Variants in GRIP1 observed in about 807,000 individuals in gnomAD.
The protein encoded by GRIP1 is glutamate receptor interacting protein 1, also known as glutamate receptor-interacting protein 1.
GRIP1 carries 45 observed loss-of-function variants against 129.9 expected under a neutral mutation model. The ratio of observed to expected loss-of-function variants is 0.35; its 90% CI spans 0.27 to 0.44. The LOEUF (loss-of-function observed/expected upper bound fraction) is 0.44, where lower values mean the gene tolerates loss of function less well. Among genes scored for constraint, GRIP1 ranks in the 20% least tolerant of loss-of-function variants. The pLI is 1.00. For synonymous variants in GRIP1, 530 were observed against 520.8 expected, an observed-to-expected ratio of 1.02 and a Z score of -0.24; for missense variants, 1,196 against 1,396.8, an observed-to-expected ratio of 0.86 and a Z score of 2.29.
intron 23 of GRIP1, among the ~76,000 whole-genome samples, chr12:66,361,079 C>G (rs112328728): frequency 1.3e-5 from 2 of 152,202 alleles, no homozygotes; most frequent in Non-Finnish European, 2.9e-5. Context: ...TCCTATACTA[C>G]CTATGGTGCT....
chr12:66,898,701 T>C (rs1044773083), intron 1 of GRIP1, among the ~76,000 whole-genome samples: 21 of 152,230 alleles, frequency 1.4e-4, no homozygotes, highest in Admixed American at 1.4e-3. Flanking sequence ...GGATATTCGT[T>C]AGCAATTTAC....
At chr12:66,878,940 G>A (rs147055615) in intron 1 of GRIP1, among the ~76,000 whole-genome samples, 4 of 152,016 alleles carry the variant, frequency 2.6e-5, no homozygotes, top group African/African-American at 7.2e-5. Flanking sequence ...GATGGTGAAC[G>A]ACTTACAGAA....
intron 1 of GRIP1, among the ~76,000 whole-genome samples, chr12:66,886,547 C>T (rs943193487): frequency 2.6e-5 from 4 of 152,068 alleles, no homozygotes; most frequent in African/African-American, 9.7e-5. Context: ...GTTGAAAATG[C>T]TCTCATATTC....
At chr12:66,937,326 A>G (rs923270961) in intron 1 of GRIP1, among the ~76,000 whole-genome samples, 1 of 152,236 alleles carries the variant, frequency 6.6e-6, no homozygotes, top group Non-Finnish European at 1.5e-5. Context: ...ACTACATGTG[A>G]CAATGGCTTT....
chr12:67,035,153 T>C (rs1349785323), intron 1 of GRIP1, among the ~76,000 whole-genome samples: 1 of 152,214 alleles, frequency 6.6e-6, no homozygotes, highest in Non-Finnish European at 1.5e-5. Flanking sequence ...ACAAGTATTC[T>C]GTTGTACTTT....
intron 1 of GRIP1, among the ~76,000 whole-genome samples, chr12:66,911,377 T>C (rs940317001): frequency 2.0e-5 from 3 of 152,210 alleles, no homozygotes; most frequent in African/African-American, 7.2e-5. Flanking sequence ...TTGCAAAGTA[T>C]ACACAGAGTC....
At chr12:66,657,349 A>C (rs1307591531) in intron 1 of GRIP1, among the ~76,000 whole-genome samples, 1 of 152,094 alleles carries the variant, frequency 6.6e-6, no homozygotes, top group Non-Finnish European at 1.5e-5. Context: ...ACCACTTCTG[A>C]CTTTGGGATG....
intron 1 of GRIP1, among the ~76,000 whole-genome samples, chr12:66,863,898 C>T (rs2137125835): frequency 6.6e-6 from 1 of 152,272 alleles, no homozygotes; most frequent in South Asian, 2.1e-4. Context: ...CCAAGGACCA[C>T]ACTGAATTGT....
At chr12:66,787,011 A>G (rs2038369062) in intron 1 of GRIP1, among the ~76,000 whole-genome samples, 1 of 152,124 alleles carries the variant, frequency 6.6e-6, no homozygotes, top group Admixed American at 6.6e-5. Context: ...ATCCAAAACA[A>G]AACAACAAGC....
intron 1 of GRIP1, among the ~76,000 whole-genome samples, chr12:66,610,980 AACT>A (rs1341822105): frequency 1.3e-5 from 2 of 152,198 alleles, no homozygotes; most frequent in Non-Finnish European, 1.5e-5. Context: ...TCCACTGTAT[AACT>A]ATAGCCTTTA....
chr12:66,934,664 C>A (rs1592363333), intron 1 of GRIP1, among the ~76,000 whole-genome samples: 1 of 152,318 alleles, frequency 6.6e-6, no homozygotes, highest in East Asian at 1.9e-4. Context: ...CAAGTTCTGT[C>A]TACCATGGAA....
intron 1 of GRIP1, among the ~76,000 whole-genome samples, chr12:66,840,537 A>C (rs904446992): frequency 6.6e-6 from 1 of 152,230 alleles, no homozygotes; most frequent in Non-Finnish European, 1.5e-5. Context: ...GGCATATGTA[A>C]AAATTCTCCT....
intron 1 of GRIP1, among the ~76,000 whole-genome samples, chr12:66,670,292 G>C (rs747898772): frequency 3.9e-5 from 6 of 152,190 alleles, no homozygotes; most frequent in Non-Finnish European, 5.9e-5. Flanking sequence ...AGATCAGTTA[G>C]CCCTTAGGTC....
At chr12:66,379,486 AT>A in intron 19 of GRIP1, 50 bp from the exon 20 acceptor site, 1 of 1,573,262 alleles carries the variant, frequency 6.4e-7, no homozygotes, top group Non-Finnish European at 8.8e-7. Flanking sequence ...TACTTAATCC[AT>A]TGAGAAATGA....
chr12:67,041,882 CAT>C (rs1287308551), intron 1 of GRIP1, among the ~76,000 whole-genome samples: 1 of 152,106 alleles, frequency 6.6e-6, no homozygotes, highest in African/African-American at 2.4e-5. Flanking sequence ...ATGTTAGCCA[CAT>C]GATTATTCAC....
intron 7 of GRIP1, among the ~76,000 whole-genome samples, chr12:66,512,215 T>C (rs1389770128): frequency 6.6e-6 from 1 of 152,044 alleles, no homozygotes; most frequent in African/African-American, 2.4e-5. Flanking sequence ...ACACAGAAAA[T>C]TGGTATTGAG....
intron 11 of GRIP1, among the ~76,000 whole-genome samples, chr12:66,448,021 T>C (rs2058679321): frequency 6.6e-6 from 1 of 152,184 alleles, no homozygotes; most frequent in Non-Finnish European, 1.5e-5. Flanking sequence ...CACAGTTCCA[T>C]CCTCCAAGTC....
At chr12:66,414,250 C>T (rs2057504296) in intron 15 of GRIP1, among the ~76,000 whole-genome samples, 1 of 152,006 alleles carries the variant, frequency 6.6e-6, no homozygotes, top group Non-Finnish European at 1.5e-5. Flanking sequence ...GCAAAGTCTC[C>T]ACATACAAAA....
rs946418399 is a variant in GRIP1, at chr12:66,632,452, C to A, written c.56-35525G>T. 2.6e-5 allele frequency among the ~76,000 whole-genome samples: 4 copies of A among 152,206 alleles called. No individual in the cohort carries two copies. The East Asian group carries it at 7.7e-4, about 29-fold the overall frequency. ...TGAAGACCACTAGCTGAGGTACCCT[C>A]TCTTCCCTGGATGGTGCCAATGTTT... On this transcript the variant is annotated intron_variant, in intron 1 of 24. Coordinates refer to ENST00000359742, the MANE Select transcript of GRIP1 (RefSeq NM_001366722.1).
Sources: gnomAD v4.1 joint callset for allele counts (sites outside exome capture counted in the v4.1 genomes callset) on GRCh38, gnomAD v4.1.1 for gene constraint, MANE v1.5 for transcripts, NCBI Gene and HGNC (gene_info 2026-07-23, HGNC 2026-07-21) for gene names.